The following PVT1 variants were observed in gnomAD, a reference collection of about 807,000 sequenced individuals.
PVT1 encodes the protein CXCR4/PVT1 fusion.
chr8:127,980,007 GTAGT>G (rs1161776960), intron 3 of PVT1, among the ~76,000 whole-genome samples: 1 of 144,212 alleles, frequency 6.9e-6, no homozygotes, highest in Non-Finnish European at 1.6e-5. Flanking sequence ...AGCCTCCCAA[GTAGT>G]TAGACCTACA....
At chr8:127,941,067 C>T (rs73359212) in intron 3 of PVT1, among the ~76,000 whole-genome samples, 2,841 of 152,262 alleles carry the variant, frequency 0.019, 93 homozygotes, top group African/African-American at 0.064. Context: ...GCTGAGATCC[C>T]GTTTTCTTGC....
chr8:128,041,897 C>A (rs1293510995), intron 4 of PVT1, among the ~76,000 whole-genome samples: 4 of 152,186 alleles, frequency 2.6e-5, no homozygotes, highest in African/African-American at 9.7e-5. Flanking sequence ...TTGACTGATG[C>A]TTTGCAGTTC....
chr8:127,868,332 T>C (rs1205230105), intron 2 of PVT1, among the ~76,000 whole-genome samples: 1 of 152,082 alleles, frequency 6.6e-6, no homozygotes, highest in East Asian at 1.9e-4. Context: ...ATTTCCAGAA[T>C]CCAGGCATAT....
At chr8:127,956,632 G>C (rs916648881) in intron 3 of PVT1, among the ~76,000 whole-genome samples, 3 of 152,152 alleles carry the variant, frequency 2.0e-5, no homozygotes, top group African/African-American at 7.2e-5. Flanking sequence ...CTACAGGCAC[G>C]CGCCACCACG....
intron 5 of PVT1, among the ~76,000 whole-genome samples, chr8:128,095,347 G>T (rs1814414168): frequency 6.6e-6 from 1 of 152,150 alleles, no homozygotes; most frequent in African/African-American, 2.4e-5. Context: ...AGGGAGCAGG[G>T]TTTTGTCTTT....
intron 3 of PVT1, chr8:127,932,608 G>C (rs879640756): frequency 5.5e-5 from 22 of 398,430 alleles, no homozygotes; most frequent in East Asian, 5.0e-4. Flanking sequence ...CAGATTCGCT[G>C]TTCGTAGACA....
intron 2 of PVT1, among the ~76,000 whole-genome samples, chr8:127,801,926 T>A (rs1329783077): frequency 6.7e-6 from 1 of 149,052 alleles, no homozygotes; most frequent in African/African-American, 2.5e-5. Context: ...ATTTATTTAT[T>A]TATTTACTGA....
At chr8:128,017,609 T>TTA (rs1554604562) in intron 4 of PVT1, among the ~76,000 whole-genome samples, 1 of 151,262 alleles carries the variant, frequency 6.6e-6, no homozygotes, top group Non-Finnish European at 1.5e-5. Flanking sequence ...TTTTTTTTTT[T>TTA]AATTTTTTTA....
intron 3 of PVT1, among the ~76,000 whole-genome samples, chr8:127,968,249 A>G (rs1586460061): frequency 6.6e-6 from 1 of 152,048 alleles, no homozygotes; most frequent in East Asian, 1.9e-4. Context: ...TGGGAACAGG[A>G]TCTGTCCTCG....
At chr8:127,980,988 G>A (rs1242545799) in intron 3 of PVT1, among the ~76,000 whole-genome samples, 2 of 152,002 alleles carry the variant, frequency 1.3e-5, no homozygotes, top group Middle Eastern at 3.4e-3. Flanking sequence ...GTAGAGATGG[G>A]GTTTCACCAT....
intron 4 of PVT1, among the ~76,000 whole-genome samples, chr8:127,990,529 A>G (rs1480790184): frequency 6.6e-6 from 1 of 152,222 alleles, no homozygotes; most frequent in South Asian, 2.1e-4. Context: ...AAATGACATG[A>G]TGAAAAGGAA....
Position 127,805,225 on chromosome 8 carries a change from CA to C in PVT1, n.372+9155del, listed in dbSNP as rs1334887728. ...GATTACAGGAGTGAGCCACTGTGCC[CA>C]GCCGTCCATGTCATTTTTATTGGGT... On this transcript the variant is annotated intron_variant and non_coding_transcript_variant, in intron 2 of 10. Coordinates refer to ENST00000651587, the Ensembl canonical transcript of PVT1. 1.8e-4 allele frequency among the ~76,000 whole-genome samples: 27 copies of C among 152,226 alleles called. 1 individual carries two copies. The highest frequency in any genetic ancestry group is 1.4e-3 in the Admixed American group (22 of 15,294).
chr8:127,986,458 C>T (rs1250445449), intron 3 of PVT1, among the ~76,000 whole-genome samples: 2 of 152,192 alleles, frequency 1.3e-5, no homozygotes, highest in African/African-American at 2.4e-5. Context: ...CCTCAGTCAA[C>T]CACACAGCAG....
chr8:128,044,005 T>C (rs1317889274), intron 4 of PVT1, among the ~76,000 whole-genome samples: 36 of 23,210 alleles, frequency 1.6e-3, no homozygotes, highest in Non-Finnish European at 2.2e-4. Context: ...TTTTTTATTA[T>C]TATTTATTTA....
intron 4 of PVT1, among the ~76,000 whole-genome samples, chr8:128,016,514 T>C (rs1183490780): frequency 6.6e-6 from 1 of 152,176 alleles, no homozygotes; most frequent in Non-Finnish European, 1.5e-5. Flanking sequence ...CTCTGTGTTA[T>C]TAAGGATAGA....
At chr8:127,921,800 G>A (rs1260274267) in intron 3 of PVT1, among the ~76,000 whole-genome samples, 1 of 128,828 alleles carries the variant, frequency 7.8e-6, no homozygotes, top group African/African-American at 2.9e-5. Flanking sequence ...GTGAGACTGC[G>A]AGACTCTGTC....
chr8:127,863,259 C>A lies in PVT1; in HGVS notation n.373-27330C>A, dbSNP rs990775598. ...CCCGAGTTGCTGGGATTACAGGTGT[C>A]CGCCACTGCGCCAGCTAATTTTTTG... is the stretch of plus-strand genomic sequence containing the variant. On this transcript the variant is annotated intron_variant and non_coding_transcript_variant, in intron 2 of 10. Coordinates refer to ENST00000651587, the Ensembl canonical transcript of PVT1. Among the ~76,000 whole-genome samples the A allele has an allele frequency of 5.9e-5, 9 of 152,116 alleles. No homozygotes were observed. In the East Asian group the frequency reaches 1.7e-3, roughly 29 times the overall value.
chr8:127,901,554 A>G (rs553384366), intron 3 of PVT1, among the ~76,000 whole-genome samples: 2 of 152,306 alleles, frequency 1.3e-5, no homozygotes, highest in South Asian at 4.2e-4. Context: ...TAAATGAACA[A>G]GGAATGATTT....
intron 2 of PVT1, among the ~76,000 whole-genome samples, chr8:127,889,054 T>C (rs930687427): frequency 9.8e-6 from 1 of 102,164 alleles, no homozygotes; most frequent in East Asian, 2.2e-4. Flanking sequence ...CTTCCTTCCT[T>C]CCTTCCTTCC....
Sources: gnomAD v4.1 joint callset for allele counts (sites outside exome capture counted in the v4.1 genomes callset) on GRCh38, gnomAD v4.1.1 for gene constraint, MANE v1.5 for transcripts, NCBI Gene and HGNC (gene_info 2026-07-23, HGNC 2026-07-21) for gene names.